The following EDAR variants were observed in gnomAD, a reference collection of about 807,000 sequenced individuals.
The protein encoded by EDAR is tumor necrosis factor receptor superfamily member EDAR.
In EDAR, 38 loss-of-function variants were observed where a neutral mutation model predicts 51.3. That is an observed-to-expected ratio of 0.74 (90% CI 0.57 to 0.97). The LOEUF (loss-of-function observed/expected upper bound fraction) is 0.97. Ranked by LOEUF, EDAR falls within the 50% of genes least tolerant of loss-of-function variation. The pLI is 0.00. For missense variants in EDAR, 528 were observed against 595.0 expected, an observed-to-expected ratio of 0.89 and a Z score of 1.17; for synonymous variants, 227 against 242.1, an observed-to-expected ratio of 0.94 and a Z score of 0.58.
intron 5 of EDAR, among the ~76,000 whole-genome samples, chr2:108,921,683 T>G (rs1473716641): frequency 6.6e-6 from 1 of 152,196 alleles, no homozygotes; most frequent in African/African-American, 2.4e-5. Context: ...TAAAGAGATC[T>G]CTGGATTGAG....
intron 1 of EDAR, among the ~76,000 whole-genome samples, chr2:108,944,060 C>A (rs1403439656): frequency 2.0e-5 from 3 of 152,210 alleles, no homozygotes; most frequent in Non-Finnish European, 4.4e-5. Flanking sequence ...AATTGCTATC[C>A]AGCCACGTAG....
chr2:108,958,293 C>T (rs1021671701), intron 1 of EDAR, among the ~76,000 whole-genome samples: 12 of 152,154 alleles, frequency 7.9e-5, no homozygotes, highest in Admixed American at 5.9e-4. Context: ...TCAAATCAAC[C>T]GCAGACTGGC....
At chr2:108,988,678 CA>C (rs1227744741) in intron 1 of EDAR, among the ~76,000 whole-genome samples, 1 of 152,112 alleles carries the variant, frequency 6.6e-6, no homozygotes, top group Non-Finnish European at 1.5e-5. Context: ...TTCAGTAGCC[CA>C]AATCTTAAAG....
At chr2:108,901,244 G>T (rs138099263) in intron 11 of EDAR, among the ~76,000 whole-genome samples, 25 of 152,080 alleles carry the variant, frequency 1.6e-4, no homozygotes, top group African/African-American at 5.3e-4. Flanking sequence ...ATAATCCACA[G>T]GTCAAAGAGG....
chr2:108,972,621 A>C (rs1406159136), intron 1 of EDAR, among the ~76,000 whole-genome samples: 2 of 152,266 alleles, frequency 1.3e-5, no homozygotes, highest in Non-Finnish European at 2.9e-5. Flanking sequence ...GTGTCTGCAC[A>C]AGGGTGACGG....
intron 1 of EDAR, among the ~76,000 whole-genome samples, chr2:108,970,385 G>A (rs536138444): frequency 6.6e-6 from 1 of 152,314 alleles, no homozygotes; most frequent in South Asian, 2.1e-4. Context: ...AAGAGAACCT[G>A]GGAGCCCAGA....
chr2:108,928,399 A>G (rs1304873444), intron 4 of EDAR, among the ~76,000 whole-genome samples: 1 of 152,054 alleles, frequency 6.6e-6, no homozygotes, highest in Admixed American at 6.6e-5. Flanking sequence ...AGTGTGCCTT[A>G]TGCACTAAGC....
At chr2:108,954,999 C>T (rs1159199196) in intron 1 of EDAR, among the ~76,000 whole-genome samples, 1 of 152,044 alleles carries the variant, frequency 6.6e-6, no homozygotes, top group Non-Finnish European at 1.5e-5. Context: ...GATAATCTTA[C>T]ACAGGAACTC....
intron 4 of EDAR, among the ~76,000 whole-genome samples, chr2:108,926,067 C>G (rs1193181837): frequency 6.6e-6 from 1 of 152,218 alleles, no homozygotes; most frequent in Non-Finnish European, 1.5e-5. Flanking sequence ...GTTAGGTTCT[C>G]TCTGTAGGAC....
At chr2:108,951,738 T>A (rs1289189016) in intron 1 of EDAR, among the ~76,000 whole-genome samples, 1 of 151,980 alleles carries the variant, frequency 6.6e-6, no homozygotes, top group African/African-American at 2.4e-5. Context: ...TTTCTGCGAG[T>A]CCACGAGGTT....
chr2:108,928,515 C>T (rs1697300474), intron 4 of EDAR, among the ~76,000 whole-genome samples: 1 of 152,202 alleles, frequency 6.6e-6, no homozygotes, highest in Non-Finnish European at 1.5e-5. Context: ...CCAGCTGTAC[C>T]AGGGACACCA....
intron 5 of EDAR, among the ~76,000 whole-genome samples, chr2:108,917,649 G>A (rs950082779): frequency 6.6e-6 from 1 of 152,236 alleles, no homozygotes. Flanking sequence ...AGACTAGAGG[G>A]GGGTCAAACG....
intron 5 of EDAR, among the ~76,000 whole-genome samples, chr2:108,922,624 G>A (rs1012321081): frequency 1.3e-5 from 2 of 152,126 alleles, no homozygotes; most frequent in African/African-American, 2.4e-5. Flanking sequence ...GCCTTATGGA[G>A]AGCAAAGAGA....
At position 108,911,078 on chromosome 2, in the gene EDAR, G is replaced by A. The variant is rs773222347; in HGVS notation, c.530-6C>T. ...GTGTCCTTGGCCTGAGAGTTCTGTG[G>A]GTGGAGAGAAGGCATGAATGACCCA... On this transcript the variant is annotated splice_polypyrimidine_tract_variant and splice_region_variant and intron_variant, in intron 6 of 11. Coordinates refer to ENST00000258443, the MANE Select transcript of EDAR (RefSeq NM_022336.4). 2.2e-5 allele frequency: 35 copies of A among 1,613,972 alleles called. No individual in the cohort carries two copies. Among genetic ancestry groups the A allele is most frequent in the Admixed American group, 3.3e-5 (2 of 59,992 alleles).
chr2:108,909,234 A>C (rs1696868565), intron 9 of EDAR, among the ~76,000 whole-genome samples: 1 of 152,214 alleles, frequency 6.6e-6, no homozygotes. Flanking sequence ...GAATAAGAAA[A>C]GCCTGAATAT....
chr2:108,927,733 T>C (rs1697284512), intron 4 of EDAR, among the ~76,000 whole-genome samples: 1 of 152,102 alleles, frequency 6.6e-6, no homozygotes, highest in Admixed American at 6.5e-5. Flanking sequence ...CATCTCTGGG[T>C]TAGCTATCTA....
chr2:108,914,525 C>G (rs1012445419), intron 5 of EDAR, among the ~76,000 whole-genome samples: 10 of 152,180 alleles, frequency 6.6e-5, no homozygotes, highest in African/African-American at 1.4e-4. Flanking sequence ...AAAATGGAAG[C>G]TGATTTTGCT....
At chr2:108,925,007 T>C (rs1697226443) in intron 4 of EDAR, among the ~76,000 whole-genome samples, 1 of 152,234 alleles carries the variant, frequency 6.6e-6, no homozygotes, top group Non-Finnish European at 1.5e-5. Flanking sequence ...ACCTCCTCTG[T>C]GCCTCACTTC....
chr2:108,957,359 G>GTCAC (rs1278281261), intron 1 of EDAR, among the ~76,000 whole-genome samples: 1 of 152,242 alleles, frequency 6.6e-6, no homozygotes, highest in Admixed American at 6.5e-5. Context: ...AAAGGTCTTA[G>GTCAC]TCACTGGTTT....
Sources: allele counts gnomAD v4.1 joint callset (sites outside exome capture counted in the v4.1 genomes callset), GRCh38; gene constraint gnomAD v4.1.1; transcripts MANE v1.5; gene names NCBI Gene and HGNC (gene_info 2026-07-23, HGNC 2026-07-21).